PCCA: variants seen among roughly 807,000 people sequenced by gnomAD.
The protein encoded by PCCA is propionyl-CoA carboxylase subunit alpha.
A neutral mutation model predicts 101.3 loss-of-function variants in PCCA; 74 were observed. The observed-to-expected ratio is 0.73, with a 90% CI of 0.61 to 0.89. The LOEUF (loss-of-function observed/expected upper bound fraction) is 0.89, where lower values mean the gene tolerates loss of function less well. Among genes scored for constraint, PCCA ranks in the 40% least tolerant of loss-of-function variants. The pLI, the probability that PCCA is intolerant of heterozygous loss-of-function variation, is 0.00. For missense variants in PCCA, 891 were observed against 907.0 expected (o/e 0.98, Z 0.23); for synonymous variants, 294 against 313.6 (o/e 0.94, Z 0.66).
In PCCA at chr13:100,211,239, C is replaced by T. The variant is rs143712144; in HGVS notation, c.600+1776C>T. The stretch of plus-strand genomic sequence containing the variant: ...TTCTTCCATTCGTAAAGCACCATCA[C>T]CCCTATCACTCTACAGCTAGTTGCC... On this transcript the variant is annotated intron_variant, in intron 7 of 23. Coordinates refer to ENST00000376285, the MANE Select transcript of PCCA (RefSeq NM_000282.4). 1.9e-3 allele frequency among the ~76,000 whole-genome samples: 282 copies of T among 152,314 alleles called. 2 individuals carry two copies. The highest frequency in any genetic ancestry group is 6.3e-3 in the African/African-American group (260 of 41,562).
intron 12 of PCCA, among the ~76,000 whole-genome samples, chr13:100,294,305 G>T (rs1030053853): frequency 3.3e-5 from 5 of 152,152 alleles, no homozygotes; most frequent in African/African-American, 1.2e-4. Context: ...TTCTGAGGTG[G>T]TGGGGCTAGG....
chr13:100,504,601 T>C (rs2085924880), intron 21 of PCCA, among the ~76,000 whole-genome samples: 1 of 152,178 alleles, frequency 6.6e-6, no homozygotes, highest in South Asian at 2.1e-4. Flanking sequence ...GGCTATTAAA[T>C]ACTTAATGAC....
At chr13:100,162,773 G>T (rs184717870) in intron 6 of PCCA, among the ~76,000 whole-genome samples, 1 of 152,264 alleles carries the variant, frequency 6.6e-6, no homozygotes, top group East Asian at 1.9e-4. Flanking sequence ...TTAACCACTC[G>T]TTGATATTCT....
chr13:100,427,379 A>G (rs1347419445), intron 20 of PCCA, among the ~76,000 whole-genome samples: 1 of 152,356 alleles, frequency 6.6e-6, no homozygotes, highest in Admixed American at 6.5e-5. Context: ...ACAAACTCCT[A>G]TTATGCAAAT....
intron 21 of PCCA, among the ~76,000 whole-genome samples, chr13:100,459,410 C>T (rs1424241331): frequency 6.6e-6 from 1 of 152,134 alleles, no homozygotes; most frequent in East Asian, 1.9e-4. Flanking sequence ...ACAAACAGAG[C>T]ATTACTTCTT....
chr13:100,491,445 C>A, intron 21 of PCCA: 2 of 262,554 alleles, frequency 7.6e-6, no homozygotes, highest in East Asian at 1.1e-4. Flanking sequence ...AGAAGCAGAC[C>A]CAAACTTTGT....
intron 21 of PCCA, among the ~76,000 whole-genome samples, chr13:100,508,844 C>T (rs767011291): frequency 2.0e-5 from 3 of 152,050 alleles, no homozygotes; most frequent in East Asian, 3.9e-4. Context: ...ATTGTGCTGA[C>T]GTTGGTTTCC....
At chr13:100,504,809 T>C (rs778228224) in intron 21 of PCCA, among the ~76,000 whole-genome samples, 2 of 152,174 alleles carry the variant, frequency 1.3e-5, no homozygotes, top group African/African-American at 2.4e-5. Flanking sequence ...GGAACGTGCC[T>C]GTAGTCCCAA....
chr13:100,300,804 A>G (rs572605123), intron 12 of PCCA, among the ~76,000 whole-genome samples: 118 of 152,378 alleles, frequency 7.7e-4, no homozygotes, highest in African/African-American at 2.8e-3. Flanking sequence ...GGCCAGGTAC[A>G]TGCATGACAG....
At chr13:100,132,756 A>G (rs1466121998) in intron 4 of PCCA, among the ~76,000 whole-genome samples, 1 of 152,028 alleles carries the variant, frequency 6.6e-6, no homozygotes, top group South Asian at 2.1e-4. Flanking sequence ...GTGGTTCTTC[A>G]TCCACTTCAG....
chr13:100,336,054 GGA>G (rs1555424049), intron 17 of PCCA, among the ~76,000 whole-genome samples: 1 of 152,154 alleles, frequency 6.6e-6, no homozygotes, highest in Non-Finnish European at 1.5e-5. Context: ...CCTGAAGTCA[GGA>G]GTTTGAGACC....
chr13:100,417,609 G>A (rs2078462147), intron 19 of PCCA, among the ~76,000 whole-genome samples: 1 of 152,036 alleles, frequency 6.6e-6, no homozygotes, highest in Non-Finnish European at 1.5e-5. Flanking sequence ...TGTTATTGGT[G>A]GAGACGGAGA....
At chr13:100,170,431 T>C (rs1319842691) in intron 6 of PCCA, among the ~76,000 whole-genome samples, 1 of 152,186 alleles carries the variant, frequency 6.6e-6, no homozygotes, top group Non-Finnish European at 1.5e-5. Flanking sequence ...GAAGCAGAAA[T>C]AATGAAATGA....
chr13:100,470,479 A>G (rs1317432115), intron 21 of PCCA, among the ~76,000 whole-genome samples: 1 of 152,088 alleles, frequency 6.6e-6, no homozygotes, highest in Non-Finnish European at 1.5e-5. Flanking sequence ...CTTGGGTTTA[A>G]TGTTGCTAAA....
intron 6 of PCCA, among the ~76,000 whole-genome samples, chr13:100,188,291 C>CAAAAAA (rs756051251): frequency 2.3e-5 from 2 of 87,594 alleles, no homozygotes; most frequent in Non-Finnish European, 4.5e-5. Flanking sequence ...GACTCTGTCT[C>CAAAAAA]AAAAAAACAA....
intron 2 of PCCA, among the ~76,000 whole-genome samples, chr13:100,104,866 G>T (rs1193210898): frequency 2.6e-5 from 4 of 151,968 alleles, no homozygotes; most frequent in African/African-American, 7.2e-5. Context: ...ACCATGCCCG[G>T]CTAATTTTTG....
At chr13:100,362,636 C>A (rs1269849284) in intron 18 of PCCA, among the ~76,000 whole-genome samples, 1 of 151,994 alleles carries the variant, frequency 6.6e-6, no homozygotes, top group Non-Finnish European at 1.5e-5. Flanking sequence ...AAATTGAGAA[C>A]CTTAAGCCCT....
At chr13:100,225,393 C>T (rs370893469) in intron 7 of PCCA, among the ~76,000 whole-genome samples, 6 of 152,262 alleles carry the variant, frequency 3.9e-5, no homozygotes, top group African/African-American at 1.4e-4. Context: ...TAGTAATACC[C>T]GTTTACACCA....
intron 18 of PCCA, among the ~76,000 whole-genome samples, chr13:100,359,096 C>CAAAAAAAAAAAAA (rs35233154): frequency 9.6e-6 from 1 of 103,728 alleles, no homozygotes; most frequent in Non-Finnish European, 1.8e-5. Flanking sequence ...CAAGACTCCT[C>CAAAAAAAAAAAAA]AAAAAAAAAA....
Sources: gnomAD v4.1 joint callset for allele counts (sites outside exome capture counted in the v4.1 genomes callset) on GRCh38, gnomAD v4.1.1 for gene constraint, MANE v1.5 for transcripts, NCBI Gene and HGNC (gene_info 2026-07-23, HGNC 2026-07-21) for gene names.